The following PCDHA8 variants were observed in gnomAD, a reference collection of about 807,000 sequenced individuals.
The protein encoded by PCDHA8 is protocadherin alpha 8.
Under a neutral mutation model 61.8 loss-of-function variants are expected in PCDHA8, and 53 were observed. The observed-to-expected ratio is 0.86, with a 90% CI of 0.69 to 1.08. The LOEUF (loss-of-function observed/expected upper bound fraction) is 1.08, where lower values mean the gene tolerates loss of function less well. PCDHA8 is among the 50% of genes least tolerant of loss of function. The probability of loss-of-function intolerance (pLI) is 0.00; values close to 1 mark genes in which losing one functional copy is unlikely to be tolerated. For missense variants in PCDHA8, 1,293 were observed against 1,245.0 expected, an observed-to-expected ratio of 1.04 and a Z score of -0.58; for synonymous variants, 618 against 556.6, an observed-to-expected ratio of 1.11 and a Z score of -1.55.
At chr5:140,883,162 C>A (rs782797002) in intron 1 of PCDHA8, 8 of 1,613,690 alleles carry the variant, frequency 5.0e-6, no homozygotes, top group Non-Finnish European at 5.1e-6. Context: ...TAAATCCGAA[C>A]AATGGAGAAA....
chr5:140,875,765 G>T (rs1554167926), intron 1 of PCDHA8: 2 of 1,614,252 alleles, frequency 1.2e-6, no homozygotes, highest in Middle Eastern at 1.6e-4. Context: ...CTGTGCGGGC[G>T]GAGCGCGGAG....
At chr5:140,953,948 C>A (rs1012464637) in intron 1 of PCDHA8, among the ~76,000 whole-genome samples, 2 of 152,092 alleles carry the variant, frequency 1.3e-5, no homozygotes, top group Non-Finnish European at 2.9e-5. Context: ...CATTGCTCCC[C>A]CAACAGGCCC....
chr5:140,918,748 C>T (rs1303112000), intron 1 of PCDHA8, among the ~76,000 whole-genome samples: 1 of 152,110 alleles, frequency 6.6e-6, no homozygotes, highest in Non-Finnish European at 1.5e-5. Flanking sequence ...ATAAAAGAGG[C>T]CCAGAGAGGT....
At chr5:140,947,299 C>T (rs547529076) in intron 1 of PCDHA8, among the ~76,000 whole-genome samples, 1 of 151,554 alleles carries the variant, frequency 6.6e-6, no homozygotes, top group South Asian at 2.1e-4. Context: ...ATTATCTTGA[C>T]ATCTTTGTAA....
chr5:140,889,893 C>A (rs1275511475), intron 1 of PCDHA8, among the ~76,000 whole-genome samples: 2 of 152,158 alleles, frequency 1.3e-5, no homozygotes, highest in Admixed American at 1.3e-4. Flanking sequence ...AGAATTCTGA[C>A]TACCTTGAGA....
rs1228341912 is a variant in PCDHA8 at position 140,843,752 on chromosome 5, T to G, written c.2394+37T>G. 2.6e-6 allele frequency: 4 copies of G among 1,516,428 alleles called. No individual in the cohort carries two copies. In the African/African-American group the frequency reaches 5.5e-5, roughly 21 times the overall value. The allele number at this position is 1,516,428 out of a possible 1,614,324, so 93.9% of individuals were successfully genotyped here. ...TAAATTTAGAACTCATAAATTCTAT[T>G]TGTGGAAATTGTAGTTACTTTAAAA... On this transcript the variant is annotated intron_variant, in intron 1 of 3. Transcript: ENST00000531613.
intron 1 of PCDHA8, chr5:140,869,070 A>G (rs1554162449): frequency 6.4e-7 from 1 of 1,572,828 alleles, no homozygotes; most frequent in Non-Finnish European, 8.6e-7. Flanking sequence ...TGTAAGTGTA[A>G]AGAAGCTTAT....
intron 1 of PCDHA8, chr5:140,927,930 G>A (rs782236455): frequency 1.9e-5 from 30 of 1,614,062 alleles, no homozygotes; most frequent in Admixed American, 5.0e-5. Flanking sequence ...TGACTCTTTC[G>A]AACCCAGTAC....
intron 1 of PCDHA8, among the ~76,000 whole-genome samples, chr5:140,893,162 G>A (rs2063851714): frequency 6.6e-6 from 1 of 152,202 alleles, no homozygotes; most frequent in Non-Finnish European, 1.5e-5. Flanking sequence ...GGATATTGAG[G>A]TTGATTCCAC....
At chr5:140,869,799 C>T (rs781959839) in intron 1 of PCDHA8, 1 of 1,612,706 alleles carries the variant, frequency 6.2e-7, no homozygotes, top group Non-Finnish European at 8.5e-7. Flanking sequence ...TAGTCCAAGT[C>T]TTGGATGTCA....
intron 1 of PCDHA8, chr5:140,849,864 C>G (rs1554143420): frequency 6.3e-7 from 1 of 1,598,642 alleles, no homozygotes; most frequent in South Asian, 1.1e-5. Context: ...AGCGTTCGCG[C>G]AGTCCGAGTA....
At chr5:140,876,101 T>C (rs2056113076) in intron 1 of PCDHA8, 1 of 1,613,984 alleles carries the variant, frequency 6.2e-7, no homozygotes, top group East Asian at 2.2e-5. Flanking sequence ...AAACTCAATT[T>C]ATTGCTGATG....
intron 3 of PCDHA8, among the ~76,000 whole-genome samples, chr5:141,005,117 C>A (rs2098198148): frequency 6.6e-6 from 1 of 152,214 alleles, no homozygotes; most frequent in South Asian, 2.1e-4. Flanking sequence ...TCTTTAGGGA[C>A]CCCAAAAGTG....
At position 140,982,572 on chromosome 5, in the gene PCDHA8, C is replaced by G. The variant is rs782271002; in HGVS notation, c.2542+9C>G. 1 of 1,613,760 alleles carries G rather than the reference C, an allele frequency of 6.2e-7. No homozygotes were observed. Among genetic ancestry groups the G allele is most frequent in the Non-Finnish European group, 8.5e-7 (1 of 1,179,726 alleles). On this transcript the variant is annotated intron_variant, in intron 3 of 3. Transcript: ENST00000531613. ...ATCCAGTGCAACACCAGGTAAAGAGCTGGGGTCTCTCCATTCTTTCTTGGT... is the reference window on the plus strand; with the variant it reads ...ATCCAGTGCAACACCAGGTAAAGAGGTGGGGTCTCTCCATTCTTTCTTGGT...
At chr5:140,981,725 A>T (rs1554243280) in intron 2 of PCDHA8, among the ~76,000 whole-genome samples, 1 of 151,396 alleles carries the variant, frequency 6.6e-6, no homozygotes, top group Non-Finnish European at 1.5e-5. Context: ...TCCAACAAAT[A>T]TTTGAGAGAT....
chr5:140,903,420 G>A (rs1562939328), intron 1 of PCDHA8, among the ~76,000 whole-genome samples: 1 of 152,150 alleles, frequency 6.6e-6, no homozygotes, highest in Non-Finnish European at 1.5e-5. Flanking sequence ...GAAAAATTCA[G>A]CACAATATGT....
intron 3 of PCDHA8, among the ~76,000 whole-genome samples, chr5:140,991,067 A>C (rs2097429962): frequency 6.6e-6 from 1 of 152,184 alleles, no homozygotes; most frequent in Admixed American, 6.5e-5. Flanking sequence ...TATTATTCCC[A>C]TGTTTCAGAT....
chr5:140,995,383 G>A (rs909887279), intron 3 of PCDHA8, among the ~76,000 whole-genome samples: 2 of 152,158 alleles, frequency 1.3e-5, no homozygotes, highest in African/African-American at 4.8e-5. Flanking sequence ...TACTGGGCAG[G>A]ATAAAGCGGG....
At chr5:140,991,183 A>G (rs3776108) in intron 3 of PCDHA8, among the ~76,000 whole-genome samples, 7,613 of 152,310 alleles carry the variant, frequency 0.05, 238 homozygotes, top group South Asian at 0.11. Flanking sequence ...CAGGATGCCT[A>G]GCACACAATG....
Sources: gnomAD v4.1 joint callset for allele counts (sites outside exome capture counted in the v4.1 genomes callset) on GRCh38, gnomAD v4.1.1 for gene constraint, MANE v1.5 for transcripts, NCBI Gene and HGNC (gene_info 2026-07-23, HGNC 2026-07-21) for gene names.